YES1: variants seen among roughly 807,000 people sequenced by gnomAD.
The protein encoded by YES1 is tyrosine-protein kinase Yes.
A neutral mutation model predicts 70.4 loss-of-function variants in YES1; 39 were observed. The observed-to-expected ratio is 0.55, with a 90% CI of 0.43 to 0.72. The LOEUF is 0.72. YES1 is among the 30% of genes least tolerant of loss of function. The probability of loss-of-function intolerance (pLI) is 0.00; values close to 1 mark genes in which losing one functional copy is unlikely to be tolerated. For missense variants in YES1, 495 were observed against 644.8 expected, an observed-to-expected ratio of 0.77 and a Z score of 2.52; for synonymous variants, 198 against 218.6, an observed-to-expected ratio of 0.91 and a Z score of 0.83.
At position 723,057 on chromosome 18, in the gene YES1, A is replaced by C. The variant is rs967511295; in HGVS notation, c.*1367T>G. 3.9e-5 allele frequency: 6 copies of C among 152,300 alleles called. No individual in the cohort carries two copies. The highest frequency in any genetic ancestry group is 1.3e-4 in the Admixed American group (2 of 15,300). 9.4% of individuals were successfully genotyped at this position (152,300 alleles called of 1,614,324 possible). ...CAGTGAGCCGAGATCGCGCCACTGC[A>C]CTCCAGCCTGGGCGACAGAGCGAGA... On this transcript the variant is annotated 3_prime_UTR_variant, in exon 12 of 12. Transcript: ENST00000314574.
At chr18:726,821 A>G (rs1044241869) in intron 11 of YES1, among the ~76,000 whole-genome samples, 1 of 143,254 alleles carries the variant, frequency 7.0e-6, no homozygotes, top group Non-Finnish European at 1.5e-5. Flanking sequence ...AAAAATTCAC[A>G]TGGTAAATAC....
intron 1 of YES1, among the ~76,000 whole-genome samples, chr18:781,817 A>G (rs1905684861): frequency 6.6e-6 from 1 of 152,046 alleles, no homozygotes; most frequent in Admixed American, 6.6e-5. Flanking sequence ...GAATTAACTG[A>G]TATCATATGC....
chr18:803,737 A>G (rs548260385), intron 1 of YES1, among the ~76,000 whole-genome samples: 5 of 152,310 alleles, frequency 3.3e-5, no homozygotes, highest in Non-Finnish European at 7.3e-5. Context: ...GGTGACTGGC[A>G]AGGCTACAGG....
intron 1 of YES1, among the ~76,000 whole-genome samples, chr18:799,419 T>C (rs1015761586): frequency 9.9e-5 from 15 of 152,172 alleles, no homozygotes; most frequent in African/African-American, 3.4e-4. Flanking sequence ...TTAAGAAGTA[T>C]GGTTGTGAGG....
intron 9 of YES1, among the ~76,000 whole-genome samples, chr18:737,723 TTTGA>T (rs2080169400): frequency 6.6e-6 from 1 of 152,182 alleles, no homozygotes; most frequent in African/African-American, 2.4e-5. Context: ...TTTTTTACAT[TTTGA>T]TTGATTGACT....
intron 1 of YES1, among the ~76,000 whole-genome samples, chr18:765,248 CTATA>C (rs71174288): frequency 0.077 from 6,872 of 89,266 alleles, 239 homozygotes; most frequent in Non-Finnish European, 0.1. Flanking sequence ...AGAGTTACAA[CTATA>C]TATATATATA....
intron 1 of YES1, among the ~76,000 whole-genome samples, chr18:811,446 CAAG>C (rs985559422): frequency 3.9e-5 from 6 of 152,174 alleles, no homozygotes; most frequent in Non-Finnish European, 8.8e-5. Context: ...AAGCAATTAT[CAAG>C]AAGAAAAACA....
At chr18:792,590 T>C (rs192813776) in intron 1 of YES1, among the ~76,000 whole-genome samples, 1 of 151,708 alleles carries the variant, frequency 6.6e-6, no homozygotes, top group Non-Finnish European at 1.5e-5. Flanking sequence ...TGTGTGTATA[T>C]ACATATATAC....
chr18:748,123 ATTT>A (rs2145720242), intron 3 of YES1, 105 bp from the exon 4 acceptor site: 1 of 823,946 alleles, frequency 1.2e-6, no homozygotes, highest in African/African-American at 1.7e-5. Flanking sequence ...TATTACTTTC[ATTT>A]TTTATTTATG....
intron 1 of YES1, among the ~76,000 whole-genome samples, chr18:772,270 C>T (rs1905194380): frequency 6.6e-6 from 1 of 152,034 alleles, no homozygotes; most frequent in East Asian, 1.9e-4. Context: ...CTCAAGTGAT[C>T]CTCCCACTTC....
chr18:722,858 CG>C lies in YES1; in HGVS notation c.*1565del, dbSNP rs1348410419. 1 of 152,072 alleles carries C rather than the reference CG, an allele frequency of 6.6e-6. No individual in the cohort carries two copies. Among genetic ancestry groups the C allele is most frequent in the East Asian group, 1.9e-4 (1 of 5,184 alleles). The allele number at this position is 152,072 out of a possible 1,614,324, so 9.4% of individuals were successfully genotyped here. A position where few individuals can be genotyped will look rare whatever the true frequency, so the allele number is the denominator to read the frequency against. On this transcript the variant is annotated 3_prime_UTR_variant, in exon 12 of 12. Coordinates refer to ENST00000314574, the MANE Select transcript of YES1 (RefSeq NM_005433.4). ...CTGTAATCCCAGCACTTTGGGAGGC[CG>C]AGGCGGGCAGATCACAAGGTCAGGA... is the stretch of plus-strand genomic sequence containing the variant.
intron 11 of YES1, among the ~76,000 whole-genome samples, chr18:727,696 G>T (rs1419208524): frequency 6.6e-6 from 1 of 152,014 alleles, no homozygotes; most frequent in African/African-American, 2.4e-5. Flanking sequence ...AACTTAGAAC[G>T]GTTTACCTCT....
Position 779,908 on chromosome 18 carries a change from C to CT in YES1, c.-8-23074dup, listed in dbSNP as rs1204936148. Among the ~76,000 whole-genome samples, 707 of 142,476 alleles carry CT rather than the reference C, an allele frequency of 5.0e-3. 1 individual carries two copies. The highest frequency in any genetic ancestry group is 0.032 in the East Asian group (160 of 4,952). 93.5% of individuals were successfully genotyped at this position (142,476 alleles called of 152,430 possible). On this transcript the variant is annotated intron_variant, in intron 1 of 11. Transcript: ENST00000314574. ...TGTTTCTATAACAATGTATGTAGTCCTTTTTTTTTTTTTTTCTTAAATCTC... is the reference window on the plus strand; with the variant it reads ...TGTTTCTATAACAATGTATGTAGTCCTTTTTTTTTTTTTTTTCTTAAATCTC...
chr18:757,715 G>T (rs979128116), intron 1 of YES1, among the ~76,000 whole-genome samples: 17 of 151,774 alleles, frequency 1.1e-4, no homozygotes, highest in Admixed American at 2.0e-4. Context: ...CCAGCTACTA[G>T]GGAGGCTGAG....
intron 1 of YES1, among the ~76,000 whole-genome samples, chr18:801,155 T>C (rs761748148): frequency 1.6e-4 from 24 of 151,540 alleles, no homozygotes; most frequent in South Asian, 6.3e-4. Flanking sequence ...CAAAAAAATA[T>C]AAAAATAAAA....
intron 1 of YES1, among the ~76,000 whole-genome samples, chr18:808,282 T>C (rs1206024233): frequency 6.6e-6 from 1 of 152,214 alleles, no homozygotes; most frequent in Non-Finnish European, 1.5e-5. Context: ...CTACTGTTAC[T>C]ATAGCTCCTT....
At chr18:759,371 G>A (rs112642269) in intron 1 of YES1, among the ~76,000 whole-genome samples, 14,529 of 152,228 alleles carry the variant, frequency 0.095, 893 homozygotes, top group Admixed American at 0.21. Context: ...GGAGGCTGGC[G>A]CAGGAGAATT....
chr18:770,514 T>C (rs960650570), intron 1 of YES1, among the ~76,000 whole-genome samples: 2 of 152,184 alleles, frequency 1.3e-5, no homozygotes, highest in Admixed American at 6.6e-5. Context: ...GCATTAATTT[T>C]GACAAAGTGT....
chr18:797,083 C>T (rs556056485), intron 1 of YES1, among the ~76,000 whole-genome samples: 1 of 152,100 alleles, frequency 6.6e-6, no homozygotes, highest in Non-Finnish European at 1.5e-5. Flanking sequence ...ACATTATGCA[C>T]AGACATGGAA....
Sources: allele counts gnomAD v4.1 joint callset (sites outside exome capture counted in the v4.1 genomes callset), GRCh38; gene constraint gnomAD v4.1.1; transcripts MANE v1.5; gene names NCBI Gene and HGNC (gene_info 2026-07-23, HGNC 2026-07-21).